Variants in RBFOX1 observed in about 807,000 individuals in gnomAD.
RBFOX1 encodes the protein RNA binding protein fox-1 homolog 1.
A neutral mutation model predicts 57.7 loss-of-function variants in RBFOX1; 8 were observed. The ratio of observed to expected loss-of-function variants is 0.14; its 90% confidence interval spans 0.08 to 0.25. RBFOX1 has a LOEUF of 0.25. Ranked by LOEUF, RBFOX1 falls within the 10% of genes least tolerant of loss-of-function variation. The probability of loss-of-function intolerance (pLI) is 1.00; values close to 1 mark genes in which losing one functional copy is unlikely to be tolerated. For missense variants in RBFOX1, 611 were observed against 548.5 expected, an observed-to-expected ratio of 1.11 and a Z score of -1.14; for synonymous variants, 326 against 222.4, an observed-to-expected ratio of 1.47 and a Z score of -4.15.
chr16:7,638,398 C>G (rs767730678), intron 11 of RBFOX1, among the ~76,000 whole-genome samples: 24 of 140,094 alleles, frequency 1.7e-4, no homozygotes, highest in African/African-American at 6.3e-4. Flanking sequence ...AATCCCAAGC[C>G]GCCTTCTTCA....
chr16:7,001,974 C>T (rs142545948), intron 3 of RBFOX1, among the ~76,000 whole-genome samples: 7 of 152,024 alleles, frequency 4.6e-5, no homozygotes, highest in Non-Finnish European at 8.8e-5. Context: ...CGATTGAGCA[C>T]GTGAGTGAAC....
At chr16:7,531,614 T>G (rs1014854812) in intron 5 of RBFOX1, among the ~76,000 whole-genome samples, 1 of 152,182 alleles carries the variant, frequency 6.6e-6, no homozygotes, top group African/African-American at 2.4e-5. Context: ...GTGTATTTCA[T>G]TGACATAACT....
At chr16:7,245,364 G>A (rs950660271) in intron 4 of RBFOX1, among the ~76,000 whole-genome samples, 1 of 151,966 alleles carries the variant, frequency 6.6e-6, no homozygotes, top group East Asian at 1.9e-4. Context: ...TACAGGATGT[G>A]CAGGTTCATT....
intron 4 of RBFOX1, among the ~76,000 whole-genome samples, chr16:7,218,646 G>A (rs1233310346): frequency 6.7e-6 from 1 of 149,026 alleles, no homozygotes; most frequent in Non-Finnish European, 1.5e-5. Flanking sequence ...GTGTGTGTGT[G>A]TGTGTGTGTG....
intron 3 of RBFOX1, among the ~76,000 whole-genome samples, chr16:6,875,849 T>C (rs553390374): frequency 6.6e-6 from 1 of 151,816 alleles, no homozygotes; most frequent in Admixed American, 6.6e-5. Flanking sequence ...TACAAAAAAA[T>C]TAGCCAGTCA....
upstream of RBFOX1, among the ~76,000 whole-genome samples, chr16:6,016,321 TA>T (rs1162726525): frequency 1.3e-5 from 2 of 152,100 alleles, no homozygotes; most frequent in Non-Finnish European, 2.9e-5. Flanking sequence ...AATGGAGATC[TA>T]AAAACTAAAC....
chr16:6,513,866 G>C (rs139783164), intron 2 of RBFOX1, among the ~76,000 whole-genome samples: 1 of 152,140 alleles, frequency 6.6e-6, no homozygotes, highest in Non-Finnish European at 1.5e-5. Flanking sequence ...GGACTAGGAC[G>C]CATAATCCAA....
intron 2 of RBFOX1, among the ~76,000 whole-genome samples, chr16:6,494,937 T>C (rs2095725628): frequency 6.6e-6 from 1 of 152,178 alleles, no homozygotes; most frequent in Non-Finnish European, 1.5e-5. Flanking sequence ...AACTCATTTG[T>C]CCTCAGAGCA....
intron 4 of RBFOX1, among the ~76,000 whole-genome samples, chr16:7,178,572 A>T (rs1308212397): frequency 6.6e-6 from 1 of 152,156 alleles, no homozygotes; most frequent in Non-Finnish European, 1.5e-5. Context: ...TTATGGGTAT[A>T]TTTCTGTTTC....
chr16:5,716,763 A>G (rs182657915), intron 3 of RBFOX1, among the ~76,000 whole-genome samples: 1 of 152,346 alleles, frequency 6.6e-6, no homozygotes, highest in Admixed American at 6.5e-5. Flanking sequence ...TCCTTTGGGT[A>G]CATACCCAGA....
intron 3 of RBFOX1, among the ~76,000 whole-genome samples, chr16:6,767,947 T>TAATAATAATAAGAAGAAGAAG (rs1410744665): frequency 5.3e-4 from 54 of 101,030 alleles, no homozygotes; most frequent in African/African-American, 1.6e-3. Context: ...ATAATAATAA[T>TAATAATAATAAGAAGAAGAAG]AAGAAGAAGA....
At chr16:6,079,120 C>T (rs575747166) in intron 1 of RBFOX1, among the ~76,000 whole-genome samples, 1 of 151,390 alleles carries the variant, frequency 6.6e-6, no homozygotes, top group African/African-American at 2.4e-5. Flanking sequence ...ACTAACCTGA[C>T]CAACATGGTG....
At chr16:6,152,481 G>A (rs1249916755) in intron 1 of RBFOX1, among the ~76,000 whole-genome samples, 1 of 152,216 alleles carries the variant, frequency 6.6e-6, no homozygotes, top group Non-Finnish European at 1.5e-5. Flanking sequence ...CTTCTGGCAT[G>A]AGATGAAAGT....
intron 3 of RBFOX1, among the ~76,000 whole-genome samples, chr16:6,843,866 C>G (rs1350319423): frequency 1.3e-5 from 2 of 152,148 alleles, no homozygotes; most frequent in African/African-American, 4.8e-5. Flanking sequence ...CCCTCAATAT[C>G]TTCATATCCC....
chr16:6,626,068 C>T (rs2098300449), intron 2 of RBFOX1, among the ~76,000 whole-genome samples: 1 of 151,792 alleles, frequency 6.6e-6, no homozygotes, highest in African/African-American at 2.4e-5. Context: ...GTGTTGCCTG[C>T]CTCTGAAGTC....
intron 2 of RBFOX1, among the ~76,000 whole-genome samples, chr16:6,519,212 C>T (rs2096453012): frequency 6.6e-6 from 1 of 151,990 alleles, no homozygotes; most frequent in African/African-American, 2.4e-5. Flanking sequence ...GTAATACCTG[C>T]CCTGCCTACC....
At position 5,739,629 on chromosome 16, in the gene RBFOX1, G is replaced by A. The variant is rs192108663; in HGVS notation, c.319-127674G>A. Among the ~76,000 whole-genome samples, 226 of 152,314 alleles carry A rather than the reference G, an allele frequency of 1.5e-3. 2 individuals carry two copies. Among genetic ancestry groups the A allele is most frequent in the African/African-American group, 5.1e-3 (213 of 41,584 alleles). ...GAGGTATTTTGCAGCAGACAGAGAC[G>A]GATGTTTAAAAAAACTTACGCTTTG... On this transcript the variant is annotated intron_variant, in intron 3 of 19. Transcript: ENST00000641259.
At chr16:7,419,938 T>G (rs1198087296) in intron 4 of RBFOX1, among the ~76,000 whole-genome samples, 1 of 109,718 alleles carries the variant, frequency 9.1e-6, no homozygotes, top group Non-Finnish European at 1.8e-5. Context: ...TTTTTTTTTT[T>G]TTTTTTAATT....
At chr16:6,793,989 A>G (rs530915157) in intron 3 of RBFOX1, among the ~76,000 whole-genome samples, 1 of 152,162 alleles carries the variant, frequency 6.6e-6, no homozygotes. Flanking sequence ...ATGATTCAGT[A>G]ACTCCACCGG....
Sources: gnomAD v4.1 joint callset for allele counts (sites outside exome capture counted in the v4.1 genomes callset) on GRCh38, gnomAD v4.1.1 for gene constraint, MANE v1.5 for transcripts, NCBI Gene and HGNC (gene_info 2026-07-23, HGNC 2026-07-21) for gene names.